ITPR2: variants seen among roughly 807,000 people sequenced by gnomAD.
ITPR2 encodes the protein inositol 1,4,5-trisphosphate-gated calcium channel ITPR2.
ITPR2 carries 207 observed loss-of-function variants against 317.1 expected under a neutral mutation model. That is an observed-to-expected ratio of 0.65 (90% CI 0.58 to 0.73). The LOEUF (loss-of-function observed/expected upper bound fraction) is 0.73. ITPR2 is among the 30% of genes least tolerant of loss of function. ITPR2 has a pLI of 0.00. For missense variants in ITPR2, 2,613 were observed against 3,284.0 expected (o/e 0.80, Z 4.99); for synonymous variants, 1,156 against 1,149.1 (o/e 1.01, Z -0.12).
chr12:26,494,135 T>C lies in ITPR2; in HGVS notation c.5370+18A>G. The C allele has an allele frequency of 6.3e-7, 1 of 1,584,664 alleles. No homozygotes were observed. Among genetic ancestry groups the C allele is most frequent in the Non-Finnish European group, 8.6e-7 (1 of 1,159,548 alleles). Reference sequence around the variant, plus strand: ...ATACCAATAATAAATGTAATCCCCATGATTGATGAACAAGTACCTGTGTTT... The same window carrying C: ...ATACCAATAATAAATGTAATCCCCACGATTGATGAACAAGTACCTGTGTTT... On this transcript the variant is annotated intron_variant, in intron 39 of 56. Coordinates refer to ENST00000381340, the MANE Select transcript of ITPR2 (RefSeq NM_002223.4).
intron 1 of ITPR2, among the ~76,000 whole-genome samples, chr12:26,794,278 A>G (rs901738927): frequency 6.6e-6 from 1 of 152,232 alleles, no homozygotes; most frequent in Non-Finnish European, 1.5e-5. Context: ...TAATATCTAC[A>G]TGAAAAAGTT....
At chr12:26,759,759 G>A (rs1215085761) in intron 2 of ITPR2, among the ~76,000 whole-genome samples, 1 of 152,204 alleles carries the variant, frequency 6.6e-6, no homozygotes, top group East Asian at 1.9e-4. Context: ...CTTTTCTAAA[G>A]CTTCTAGTGA....
intron 47 of ITPR2, among the ~76,000 whole-genome samples, 171 bp from the exon 48 acceptor site, chr12:26,436,517 A>T (rs1941353025): frequency 6.6e-6 from 1 of 152,230 alleles, no homozygotes; most frequent in Non-Finnish European, 1.5e-5. Context: ...AATCAGAACC[A>T]TAAAGGAGTG....
In ITPR2 at chr12:26,450,669, G is replaced by A. The variant is rs555279827; in HGVS notation, c.6343-7019C>T. 5.9e-5 allele frequency among the ~76,000 whole-genome samples: 9 copies of A among 152,280 alleles called. No individual in the cohort carries two copies. The South Asian group carries it at 1.9e-3, about 32-fold the overall frequency. On this transcript the variant is annotated intron_variant, in intron 45 of 56. Coordinates refer to ENST00000381340, the MANE Select transcript of ITPR2 (RefSeq NM_002223.4). ...ATCAGCTTCAGGAATTCCTAGTAGGGAGAAGCACATTTTCCCCACTTTAGT... is the reference window on the plus strand; with the variant it reads ...ATCAGCTTCAGGAATTCCTAGTAGGAAGAAGCACATTTTCCCCACTTTAGT...
chr12:26,723,491 C>G (rs898662799), intron 4 of ITPR2, among the ~76,000 whole-genome samples: 1 of 152,032 alleles, frequency 6.6e-6, no homozygotes, highest in African/African-American at 2.4e-5. Flanking sequence ...GACATTTAAC[C>G]GAAACTTGGT....
chr12:26,496,315 C>G (rs914186158), intron 37 of ITPR2, among the ~76,000 whole-genome samples: 43 of 152,272 alleles, frequency 2.8e-4, no homozygotes, highest in African/African-American at 1.0e-3. Context: ...CTTCATGTCC[C>G]GCTGCACCCA....
intron 8 of ITPR2, among the ~76,000 whole-genome samples, chr12:26,713,217 T>C (rs1049297916): frequency 1.3e-5 from 2 of 152,090 alleles, no homozygotes; most frequent in African/African-American, 4.8e-5. Flanking sequence ...TAAGCCCATG[T>C]CCCCCACTCC....
At chr12:26,358,561 G>A (rs1019508038) in intron 55 of ITPR2, among the ~76,000 whole-genome samples, 14 of 151,908 alleles carry the variant, frequency 9.2e-5, no homozygotes, top group Non-Finnish European at 2.1e-4. Flanking sequence ...CCATCATCCC[G>A]GCTGTGTTTT....
At chr12:26,457,806 T>C (rs1160031521) in intron 45 of ITPR2, among the ~76,000 whole-genome samples, 1 of 152,230 alleles carries the variant, frequency 6.6e-6, no homozygotes, top group East Asian at 1.9e-4. Flanking sequence ...ACTTAGCTTC[T>C]CTAAGCTTCA....
At chr12:26,734,716 T>C (rs1949087188) in intron 2 of ITPR2, among the ~76,000 whole-genome samples, 1 of 152,152 alleles carries the variant, frequency 6.6e-6, no homozygotes, top group African/African-American at 2.4e-5. Flanking sequence ...TGCTTGCTGT[T>C]CATTGTCCTG....
At chr12:26,624,471 C>A in intron 23 of ITPR2, 115 bp from the exon 24 acceptor site, 1 of 706,824 alleles carries the variant, frequency 1.4e-6, no homozygotes, top group Non-Finnish European at 2.4e-6. Flanking sequence ...TTTATTCGAC[C>A]AAAAGTCAAT....
intron 51 of ITPR2, among the ~76,000 whole-genome samples, chr12:26,414,232 A>G (rs1940650412): frequency 6.6e-6 from 1 of 152,132 alleles, no homozygotes; most frequent in South Asian, 2.1e-4. Flanking sequence ...GACAGTCTCA[A>G]GTTTAATAAC....
At chr12:26,725,222 C>A (rs1948900193) in intron 3 of ITPR2, among the ~76,000 whole-genome samples, 1 of 152,052 alleles carries the variant, frequency 6.6e-6, no homozygotes, top group South Asian at 2.1e-4. Flanking sequence ...TCTGAAAGTA[C>A]CAGGAATTTT....
intron 34 of ITPR2, among the ~76,000 whole-genome samples, chr12:26,573,002 T>A (rs1326611507): frequency 6.9e-6 from 1 of 145,872 alleles, no homozygotes; most frequent in Non-Finnish European, 1.5e-5. Flanking sequence ...ATTTCATTTA[T>A]TTATTTATTT....
intron 55 of ITPR2, among the ~76,000 whole-genome samples, chr12:26,349,684 G>A (rs1269009753): frequency 6.6e-6 from 1 of 152,278 alleles, no homozygotes; most frequent in Non-Finnish European, 1.5e-5. Context: ...ACGCCTTAGA[G>A]ACGTGCATGG....
intron 36 of ITPR2, among the ~76,000 whole-genome samples, chr12:26,550,639 T>G (rs1376794237): frequency 6.6e-6 from 1 of 152,112 alleles, no homozygotes; most frequent in Non-Finnish European, 1.5e-5. Context: ...AATACTAATA[T>G]TCTCACCCCA....
At chr12:26,581,112 A>G (rs2137076034) in intron 32 of ITPR2, among the ~76,000 whole-genome samples, 1 of 152,292 alleles carries the variant, frequency 6.6e-6, no homozygotes, top group South Asian at 2.1e-4. Context: ...GACCATCCAA[A>G]TTTTTATGTA....
intron 28 of ITPR2, among the ~76,000 whole-genome samples, chr12:26,600,511 T>C (rs1279080640): frequency 6.6e-6 from 1 of 151,954 alleles, no homozygotes; most frequent in Non-Finnish European, 1.5e-5. Context: ...CTGTTTCTCC[T>C]CCCTTCTCTG....
At chr12:26,712,725 C>T (rs1219462783) in intron 8 of ITPR2, among the ~76,000 whole-genome samples, 2 of 152,050 alleles carry the variant, frequency 1.3e-5, no homozygotes, top group African/African-American at 4.8e-5. Context: ...ATCTGAAGAT[C>T]CCAGACTAAG....
Sources: allele counts gnomAD v4.1 joint callset (sites outside exome capture counted in the v4.1 genomes callset), GRCh38; gene constraint gnomAD v4.1.1; transcripts MANE v1.5; gene names NCBI Gene and HGNC (gene_info 2026-07-23, HGNC 2026-07-21).